The following FGF14 variants were observed in gnomAD, a reference collection of about 807,000 sequenced individuals.
FGF14 encodes fibroblast growth factor 14.
In FGF14, 5 loss-of-function variants were observed where a neutral mutation model predicts 25.5. That is an observed-to-expected ratio of 0.20 (90% CI 0.10 to 0.41). FGF14 has a LOEUF of 0.41. FGF14 is among the 10% of genes least tolerant of loss of function. FGF14 has a pLI of 1.00. For synonymous variants in FGF14, 138 were observed against 118.3 expected (o/e 1.17, Z -1.08); for missense variants, 222 against 320.1 (o/e 0.69, Z 2.34).
rs1015489904 is a variant in FGF14 at position 101,855,260 on chromosome 13, G to T, written c.408+13465C>A. On this transcript the variant is annotated intron_variant, in intron 3 of 4. Transcript: ENST00000376143. ...CTTTTGCACAACCTGGGCTTTATGT[G>T]TCTTCATCTTCAACTTGCTGTTCTT... 2.0e-5 allele frequency among the ~76,000 whole-genome samples: 3 copies of T among 151,916 alleles called. No individual in the cohort carries two copies. In the South Asian group the frequency reaches 6.2e-4, roughly 31 times the overall value.
intron 1 of FGF14, among the ~76,000 whole-genome samples, chr13:102,298,874 A>T (rs2054873730): frequency 6.6e-6 from 1 of 152,180 alleles, no homozygotes; most frequent in African/African-American, 2.4e-5. Context: ...TCTATTTTCT[A>T]AGAACTCTTA....
At chr13:102,163,353 C>T (rs183259598) in intron 1 of FGF14, among the ~76,000 whole-genome samples, 1 of 152,212 alleles carries the variant, frequency 6.6e-6, no homozygotes, top group Admixed American at 6.6e-5. Flanking sequence ...GGTTTTCCTA[C>T]TTCTCTTCCA....
At chr13:102,319,270 T>C (rs1355662072) in intron 1 of FGF14, among the ~76,000 whole-genome samples, 2 of 152,348 alleles carry the variant, frequency 1.3e-5, no homozygotes, top group East Asian at 3.9e-4. Flanking sequence ...ATGCAAATGA[T>C]GGACTACATC....
chr13:101,905,075 C>G (rs879229974), intron 1 of FGF14, among the ~76,000 whole-genome samples: 1 of 152,140 alleles, frequency 6.6e-6, no homozygotes, highest in African/African-American at 2.4e-5. Flanking sequence ...ACTCTGCTGT[C>G]CTGTATAACT....
intron 3 of FGF14, among the ~76,000 whole-genome samples, chr13:101,867,864 C>T (rs969574777): frequency 3.3e-5 from 5 of 150,448 alleles, no homozygotes; most frequent in African/African-American, 4.9e-5. Flanking sequence ...TTCTGGGAGG[C>T]CCCCTGGAGA....
intron 1 of FGF14, among the ~76,000 whole-genome samples, chr13:102,100,681 T>C (rs1316587626): frequency 6.6e-6 from 1 of 152,222 alleles, no homozygotes; most frequent in African/African-American, 2.4e-5. Context: ...AGCTCATTTG[T>C]GCATACACAG....
intron 1 of FGF14, among the ~76,000 whole-genome samples, chr13:102,104,026 G>A (rs997516986): frequency 2.6e-5 from 4 of 151,928 alleles, no homozygotes; most frequent in East Asian, 3.9e-4. Context: ...CCTCACTTAC[G>A]CACTCCCTAA....
At chr13:101,724,597 AATAT>A (rs201033233) in intron 4 of FGF14, among the ~76,000 whole-genome samples, 9,333 of 120,986 alleles carry the variant, frequency 0.077, 437 homozygotes, top group African/African-American at 0.13. Flanking sequence ...ATAATAATAA[AATAT>A]ATATATATAT....
intron 1 of FGF14, among the ~76,000 whole-genome samples, chr13:102,181,384 A>G (rs1457069276): frequency 6.6e-6 from 1 of 152,170 alleles, no homozygotes; most frequent in Non-Finnish European, 1.5e-5. Context: ...CATGTCCCCT[A>G]CAAAGATATA....
At chr13:101,883,197 CAA>C (rs2045808516) in intron 1 of FGF14, among the ~76,000 whole-genome samples, 1 of 152,124 alleles carries the variant, frequency 6.6e-6, no homozygotes, top group Non-Finnish European at 1.5e-5. Context: ...CTCTAAAACC[CAA>C]AGTTTCTCCT....
rs542076004 is a variant in FGF14, at chr13:102,356,948, T to C, written c.208+44523A>G. Among the ~76,000 whole-genome samples the C allele has an allele frequency of 3.9e-3, 575 of 148,496 alleles. 3 individuals are homozygous for C. Among genetic ancestry groups the C allele is most frequent in the Middle Eastern group, 0.021 (6 of 286 alleles). ...AAATGCATATATATATATATATATA[T>C]ACACACAAACAGATATTCATATCTG... On this transcript the variant is annotated intron_variant, in intron 1 of 4. Transcript: ENST00000376131.
chr13:101,968,875 A>G (rs962646923), intron 1 of FGF14, among the ~76,000 whole-genome samples: 4 of 133,954 alleles, frequency 3.0e-5, no homozygotes, highest in African/African-American at 1.2e-4. Flanking sequence ...TTTTTTTTAA[A>G]TCTGGGCATT....
chr13:101,891,861 T>A (rs914029536), intron 1 of FGF14, among the ~76,000 whole-genome samples: 1 of 152,308 alleles, frequency 6.6e-6, no homozygotes, highest in African/African-American at 2.4e-5. Flanking sequence ...CACACAGTTT[T>A]AATTTATTCC....
chr13:102,153,549 T>C (rs910282020), intron 1 of FGF14, among the ~76,000 whole-genome samples: 1 of 152,212 alleles, frequency 6.6e-6, no homozygotes, highest in Non-Finnish European at 1.5e-5. Flanking sequence ...ATACAGTACA[T>C]GAAATGTAAG....
At chr13:102,159,002 T>C (rs2047494488) in intron 1 of FGF14, among the ~76,000 whole-genome samples, 1 of 151,616 alleles carries the variant, frequency 6.6e-6, no homozygotes, top group African/African-American at 2.4e-5. Context: ...AGCCTGGTTA[T>C]GGTGGCATGC....
chr13:101,920,039 C>T (rs1317896220), upstream of FGF14, among the ~76,000 whole-genome samples: 1 of 152,070 alleles, frequency 6.6e-6, no homozygotes. Flanking sequence ...TAGGTTAATC[C>T]CTGCGTTTTC....
intron 1 of FGF14, among the ~76,000 whole-genome samples, chr13:102,114,837 A>G (rs1477025404): frequency 6.6e-6 from 1 of 152,122 alleles, no homozygotes; most frequent in Non-Finnish European, 1.5e-5. Context: ...GAAGGGGGAG[A>G]GGAGAAGTTA....
At chr13:101,880,365 C>A (rs1031310259) in intron 1 of FGF14, among the ~76,000 whole-genome samples, 3 of 151,968 alleles carry the variant, frequency 2.0e-5, no homozygotes, top group Admixed American at 2.0e-4. Context: ...TTCAGGAGTT[C>A]GAGACCAGCC....
At chr13:102,209,120 A>G (rs532398178) in intron 1 of FGF14, among the ~76,000 whole-genome samples, 4 of 152,332 alleles carry the variant, frequency 2.6e-5, no homozygotes, top group South Asian at 4.1e-4. Context: ...GGAAAGCTCA[A>G]TGGTTCCAAC....
Sources: gnomAD v4.1 joint callset for allele counts (sites outside exome capture counted in the v4.1 genomes callset) on GRCh38, gnomAD v4.1.1 for gene constraint, MANE v1.5 for transcripts, NCBI Gene and HGNC (gene_info 2026-07-23, HGNC 2026-07-21) for gene names.